Variants in DPP10 observed in about 807,000 individuals in gnomAD.
DPP10 encodes dipeptidyl peptidase like 10, also known as inactive dipeptidyl peptidase 10.
A neutral mutation model predicts 120.9 loss-of-function variants in DPP10; 33 were observed. That is an observed-to-expected ratio of 0.27 (90% confidence interval 0.21 to 0.37). The LOEUF is 0.37. DPP10 is among the 10% of genes least tolerant of loss of function. DPP10 has a pLI of 1.00. For synonymous variants in DPP10, 337 were observed against 326.1 expected, an observed-to-expected ratio of 1.03 and a Z score of -0.36; for missense variants, 816 against 942.8, an observed-to-expected ratio of 0.87 and a Z score of 1.76.
At chr2:115,027,696 AC>A (rs1227383878) in intron 1 of DPP10, among the ~76,000 whole-genome samples, 5 of 152,042 alleles carry the variant, frequency 3.3e-5, no homozygotes, top group Admixed American at 3.3e-4. Context: ...AAAGACTTTG[AC>A]TAGAATTGGT....
intron 5 of DPP10, among the ~76,000 whole-genome samples, chr2:115,683,459 C>T (rs1336430003): frequency 6.6e-6 from 1 of 151,804 alleles, no homozygotes. Flanking sequence ...ACGGAATATA[C>T]AACATCAAGA....
intron 3 of DPP10, among the ~76,000 whole-genome samples, chr2:115,424,893 A>C (rs2070316788): frequency 6.6e-6 from 1 of 152,224 alleles, no homozygotes. Context: ...AATCGTCTGT[A>C]GAAAGGGATT....
chr2:114,660,335 C>T (rs950215059), intron 1 of DPP10, among the ~76,000 whole-genome samples: 2 of 152,090 alleles, frequency 1.3e-5, no homozygotes, highest in Non-Finnish European at 2.9e-5. Context: ...CTATCCTTGA[C>T]ACCTGCTCAG....
At chr2:115,521,729 C>G (rs1238473542) in intron 4 of DPP10, among the ~76,000 whole-genome samples, 2 of 151,902 alleles carry the variant, frequency 1.3e-5, no homozygotes, top group African/African-American at 4.8e-5. Context: ...CTTACCATCT[C>G]TCATGAACTC....
chr2:115,197,850 A>T (rs1328995721), intron 1 of DPP10, among the ~76,000 whole-genome samples: 1 of 152,208 alleles, frequency 6.6e-6, no homozygotes. Context: ...TTAATTAGAT[A>T]AACTACCTAG....
chr2:114,575,292 T>G (rs1415174603), intron 1 of DPP10, among the ~76,000 whole-genome samples: 1 of 152,160 alleles, frequency 6.6e-6, no homozygotes, highest in Non-Finnish European at 1.5e-5. Flanking sequence ...CAGGATCATG[T>G]TCCCTCTATG....
intron 7 of DPP10, among the ~76,000 whole-genome samples, chr2:115,699,152 A>G: frequency 6.6e-6 from 1 of 152,066 alleles, no homozygotes; most frequent in Non-Finnish European, 1.5e-5. Context: ...ACAATTGTAT[A>G]CCAATAAACT....
At chr2:115,829,050 A>C (rs978705703) in intron 21 of DPP10, among the ~76,000 whole-genome samples, 2 of 152,144 alleles carry the variant, frequency 1.3e-5, no homozygotes, top group Non-Finnish European at 1.5e-5. Context: ...TGAGGCAAAA[A>C]ACTGAAGTTC....
chr2:115,754,842 G>A (rs1480893340), intron 11 of DPP10, among the ~76,000 whole-genome samples: 1 of 152,114 alleles, frequency 6.6e-6, no homozygotes, highest in African/African-American at 2.4e-5. Context: ...TGGAAGTGAT[G>A]GATATCTTAA....
intron 1 of DPP10, among the ~76,000 whole-genome samples, chr2:115,045,719 G>C (rs1370157009): frequency 2.0e-5 from 3 of 152,022 alleles, no homozygotes; most frequent in Non-Finnish European, 4.4e-5. Context: ...TTCTTTTCTT[G>C]ATATTATGTT....
At chr2:115,031,039 A>T (rs1703805260) in intron 1 of DPP10, among the ~76,000 whole-genome samples, 1 of 152,174 alleles carries the variant, frequency 6.6e-6, no homozygotes, top group Non-Finnish European at 1.5e-5. Context: ...CTAAACTGGA[A>T]GTTCCTTTTG....
At chr2:115,117,945 G>T (rs897304572) in intron 1 of DPP10, among the ~76,000 whole-genome samples, 13 of 152,234 alleles carry the variant, frequency 8.5e-5, no homozygotes, top group Middle Eastern at 3.4e-3. Flanking sequence ...AAAATATCAG[G>T]ATATTAAGTA....
rs142629303 is a variant in DPP10, at chr2:115,700,447, T to A, written c.576+10526T>A. 8.5e-5 allele frequency among the ~76,000 whole-genome samples: 13 copies of A among 152,214 alleles called. No individual in the cohort carries two copies. In the East Asian group the frequency reaches 1.9e-3, roughly 23 times the overall value. ...GAAAAGTACCTCAACATAATAAATG[T>A]CATCATGTATGCAAAATGAACGGTG... On this transcript the variant is annotated intron_variant, in intron 7 of 25. Coordinates refer to ENST00000410059, the MANE Select transcript of DPP10 (RefSeq NM_020868.6).
At chr2:114,772,915 C>G (rs1437811923) in intron 1 of DPP10, among the ~76,000 whole-genome samples, 1 of 152,136 alleles carries the variant, frequency 6.6e-6, no homozygotes, top group Non-Finnish European at 1.5e-5. Flanking sequence ...GAGATTTGAG[C>G]AACATCTTCC....
chr2:115,562,257 G>C (rs1190488013), intron 5 of DPP10, among the ~76,000 whole-genome samples: 1 of 152,076 alleles, frequency 6.6e-6, no homozygotes, highest in Non-Finnish European at 1.5e-5. Context: ...GTAGATTCTG[G>C]CTCGCTCTTT....
chr2:115,674,629 A>G (rs1245910453), intron 5 of DPP10, among the ~76,000 whole-genome samples: 1 of 152,156 alleles, frequency 6.6e-6, no homozygotes, highest in East Asian at 1.9e-4. Flanking sequence ...TTGGTCCCTT[A>G]AAGAAGAACA....
At chr2:115,488,880 T>TA (rs35020299) in intron 3 of DPP10, among the ~76,000 whole-genome samples, 18,872 of 126,396 alleles carry the variant, frequency 0.15, 1,351 homozygotes, top group Middle Eastern at 0.18. Context: ...TAGAGTATAA[T>TA]AAAAAAAAAA....
intron 7 of DPP10, among the ~76,000 whole-genome samples, chr2:115,718,478 A>T (rs568289699): frequency 1.3e-5 from 2 of 152,252 alleles, no homozygotes; most frequent in South Asian, 4.1e-4. Context: ...TTCACTATTG[A>T]CTATCTCTAC....
Position 115,095,573 on chromosome 2 carries a change from G to GTTT in DPP10, c.61-213666_61-213665insTTT, listed in dbSNP as rs747930952. Reference sequence around the variant, plus strand: ...CAAAAGGAATTCTGCAATTCTGTTTGGTTTTTTTTTTGTTTTTTTTTTTTG... The same window carrying GTTT: ...CAAAAGGAATTCTGCAATTCTGTTTGTTTGTTTTTTTTTTGTTTTTTTTTTTTG... On this transcript the variant is annotated intron_variant, in intron 1 of 25. Transcript: ENST00000410059. 9.9e-4 allele frequency among the ~76,000 whole-genome samples: 132 copies of GTTT among 133,902 alleles called. 1 individual carries two copies. The highest frequency in any genetic ancestry group is 7.1e-3 in the South Asian group (30 of 4,204). 87.8% of individuals were successfully genotyped at this position (133,902 alleles called of 152,430 possible).
Sources: gnomAD v4.1 joint callset for allele counts (sites outside exome capture counted in the v4.1 genomes callset) on GRCh38, gnomAD v4.1.1 for gene constraint, MANE v1.5 for transcripts, NCBI Gene and HGNC (gene_info 2026-07-23, HGNC 2026-07-21) for gene names.